The following NBEA variants were observed in gnomAD, a reference collection of about 807,000 sequenced individuals.
NBEA encodes the protein neurobeachin, also known as lysosomal-trafficking regulator 2.
In NBEA, 44 loss-of-function variants were observed where a neutral mutation model predicts 343.4. The observed-to-expected ratio is 0.13, with a 90% CI of 0.10 to 0.16. The LOEUF (loss-of-function observed/expected upper bound fraction) is 0.16, where lower values mean the gene tolerates loss of function less well. Among genes scored for constraint, NBEA ranks in the 10% least tolerant of loss-of-function variants. The pLI is 1.00. For missense variants in NBEA, 2,555 were observed against 3,631.3 expected (o/e 0.70, Z 7.62); for synonymous variants, 1,175 against 1,238.7 (o/e 0.95, Z 1.08).
chr13:35,099,165 G>A (rs1396608900), intron 11 of NBEA, among the ~76,000 whole-genome samples: 1 of 148,712 alleles, frequency 6.7e-6, no homozygotes, highest in African/African-American at 2.5e-5. Flanking sequence ...GAGTGTCTGG[G>A]ATCACAGGCG....
At position 35,432,385 on chromosome 13, in the gene NBEA, T is replaced by C. The variant is rs201595116; in HGVS notation, c.6296T>C (p.Ile2099Thr). ...GCTGAAGCATTGCTGAAAGCTGCAA[T>C]AGAATATGGTTAGTACCAATGCTTC... ...THAEALLKAA[I>T]EYGTEEDVVK... is the part of the protein sequence containing the mutation. Residue 2099 changes from isoleucine to threonine, a missense_variant, in exon 39 of 59, where the codon ATA (isoleucine) becomes ACA (threonine). Around this residue, in one of 21 missense-constraint regions of NBEA, gnomAD observed 246 missense variants for 313.7 expected, o/e 0.78. Coordinates refer to ENST00000379939, the MANE Select transcript of NBEA (RefSeq NM_001385012.1). 330 of 1,605,714 alleles carry C rather than the reference T, an allele frequency of 2.1e-4. No individual in the cohort carries two copies. Among genetic ancestry groups the C allele is most frequent in the South Asian group, 2.7e-4 (24 of 89,626 alleles).
rs143773352 is a variant in NBEA, at chr13:35,426,151, A to C, written c.6180-6118A>C. 6.6e-3 allele frequency among the ~76,000 whole-genome samples: 1,008 copies of C among 152,236 alleles called. 8 individuals carry two copies. The highest frequency in any genetic ancestry group is 0.023 in the African/African-American group (965 of 41,544). On this transcript the variant is annotated intron_variant, in intron 38 of 58. Coordinates refer to ENST00000379939, the MANE Select transcript of NBEA (RefSeq NM_001385012.1). ...TGGAGCATTTAGCCCATTTACATTC[A>C]AAGTTAATATCGTTATGTGTGAATT...
intron 1 of NBEA, among the ~76,000 whole-genome samples, chr13:34,953,205 T>A (rs940018369): frequency 2.0e-5 from 3 of 152,330 alleles, no homozygotes; most frequent in Middle Eastern, 3.4e-3. Context: ...AAGTCTGCTG[T>A]CTTAAAAGAC....
intron 36 of NBEA, among the ~76,000 whole-genome samples, chr13:35,326,064 T>C (rs77139799): frequency 0.041 from 6,298 of 152,164 alleles, 151 homozygotes; most frequent in South Asian, 0.078. Context: ...TGTTGACTTA[T>C]AGTTTGAAGT....
At chr13:35,015,119 C>T (rs531708708) in intron 1 of NBEA, among the ~76,000 whole-genome samples, 6 of 72,016 alleles carry the variant, frequency 8.3e-5, no homozygotes, top group East Asian at 4.3e-4. Flanking sequence ...CAAAAAGCAA[C>T]GAGATCTGAA....
At chr13:35,598,714 G>A (rs1309921028) in intron 47 of NBEA, among the ~76,000 whole-genome samples, 1 of 152,150 alleles carries the variant, frequency 6.6e-6, no homozygotes, top group Non-Finnish European at 1.5e-5. Flanking sequence ...AGCTGAGCAA[G>A]TCTGAAAAAC....
chr13:35,472,081 G>A (rs987906486), intron 40 of NBEA, among the ~76,000 whole-genome samples: 1 of 152,082 alleles, frequency 6.6e-6, no homozygotes, highest in African/African-American at 2.4e-5. Flanking sequence ...GAGAATTGGG[G>A]CATTTGTCCG....
intron 1 of NBEA, among the ~76,000 whole-genome samples, chr13:34,948,110 A>G (rs139812718): frequency 6.6e-6 from 1 of 152,360 alleles, no homozygotes; most frequent in African/African-American, 2.4e-5. Flanking sequence ...CATATTGCCA[A>G]GAATAGTGGA....
chr13:35,319,231 A>T (rs1566612228), intron 36 of NBEA, among the ~76,000 whole-genome samples: 1 of 152,180 alleles, frequency 6.6e-6, no homozygotes, highest in Non-Finnish European at 1.5e-5. Flanking sequence ...CATTGTGGGC[A>T]TTTAGTGCTA....
chr13:35,466,797 T>C (rs2064422390), intron 40 of NBEA, among the ~76,000 whole-genome samples: 2 of 152,126 alleles, frequency 1.3e-5, no homozygotes, highest in Admixed American at 1.3e-4. Flanking sequence ...AATTTCAAAA[T>C]ACCATTGCTC....
intron 38 of NBEA, among the ~76,000 whole-genome samples, chr13:35,421,393 G>T (rs527287429): frequency 1.3e-5 from 2 of 152,062 alleles, no homozygotes; most frequent in Non-Finnish European, 2.9e-5. Flanking sequence ...AGCCTTATCA[G>T]TCTACTGGTG....
At chr13:35,110,200 T>TC (rs1229710082) in intron 12 of NBEA, among the ~76,000 whole-genome samples, 30 of 82,128 alleles carry the variant, frequency 3.7e-4, no homozygotes, top group African/African-American at 1.3e-3. Flanking sequence ...ATGCTATCCC[T>TC]CCCCCCTCCC....
chr13:35,567,732 G>C (rs997954632), intron 45 of NBEA, among the ~76,000 whole-genome samples: 1 of 152,156 alleles, frequency 6.6e-6, no homozygotes, highest in Non-Finnish European at 1.5e-5. Context: ...TATCAGACTT[G>C]ATTGTCTGAT....
At chr13:35,106,854 T>C (rs1485624193) in intron 11 of NBEA, among the ~76,000 whole-genome samples, 1 of 151,848 alleles carries the variant, frequency 6.6e-6, no homozygotes, top group African/African-American at 2.4e-5. Flanking sequence ...AACTTGTTTC[T>C]ATATTATGAA....
intron 31 of NBEA, among the ~76,000 whole-genome samples, chr13:35,206,972 G>C (rs1177504102): frequency 6.6e-6 from 1 of 152,048 alleles, no homozygotes; most frequent in African/African-American, 2.4e-5. Flanking sequence ...TAGATAGATA[G>C]TTGAGAATTA....
intron 44 of NBEA, among the ~76,000 whole-genome samples, chr13:35,561,727 C>G (rs115223531): frequency 6.6e-6 from 1 of 152,036 alleles, no homozygotes; most frequent in African/African-American, 2.4e-5. Flanking sequence ...ACTTTTTACA[C>G]CCTCCTGTGG....
chr13:35,646,495 A>T (rs1432198394), intron 51 of NBEA, 147 bp downstream of exon 51: 1 of 638,336 alleles, frequency 1.6e-6, no homozygotes, highest in East Asian at 2.7e-5. Flanking sequence ...CTAATACCCC[A>T]GGGAGAGACA....
intron 36 of NBEA, among the ~76,000 whole-genome samples, chr13:35,335,290 G>A (rs565298725): frequency 2.6e-5 from 4 of 152,200 alleles, no homozygotes; most frequent in African/African-American, 9.6e-5. Context: ...CCCCAGTTTT[G>A]TTATTTTTGC....
chr13:35,170,972 T>C (rs1160651690), intron 25 of NBEA: 2 of 387,194 alleles, frequency 5.2e-6, no homozygotes, highest in East Asian at 1.2e-4. Flanking sequence ...TATGTGGTTC[T>C]GTCTAAATAT....
Sources: allele counts gnomAD v4.1 joint callset (sites outside exome capture counted in the v4.1 genomes callset), GRCh38; gene constraint gnomAD v4.1.1; regional missense constraint gnomAD v4.1.1; transcripts MANE v1.5; gene names NCBI Gene and HGNC (gene_info 2026-07-23, HGNC 2026-07-21).